ARHGAP8: variants seen among roughly 807,000 people sequenced by gnomAD.
The protein encoded by ARHGAP8 is rho GTPase-activating protein 8.
A neutral mutation model predicts 46.1 loss-of-function variants in ARHGAP8; 62 were observed. The observed-to-expected ratio is 1.34, with a 90% confidence interval of 1.10 to 1.66. The LOEUF (loss-of-function observed/expected upper bound fraction) is 1.66, where lower values mean the gene tolerates loss of function less well. Ranked by LOEUF, ARHGAP8 falls within the 40% of genes most tolerant of loss-of-function variation. ARHGAP8 has a pLI of 0.00. For synonymous variants in ARHGAP8, 375 were observed against 243.1 expected, an observed-to-expected ratio of 1.54 and a Z score of -5.05; for missense variants, 923 against 568.4, an observed-to-expected ratio of 1.62 and a Z score of -6.34.
chr22:44,851,393 A>G (rs2070089495), intron 10 of ARHGAP8, among the ~76,000 whole-genome samples: 1 of 151,018 alleles, frequency 6.6e-6, no homozygotes, highest in Non-Finnish European at 1.5e-5. Flanking sequence ...AGCCTTTTAA[A>G]TATTTATTTA....
chr22:44,841,836 T>G (rs561300188), intron 7 of ARHGAP8, among the ~76,000 whole-genome samples: 3 of 152,310 alleles, frequency 2.0e-5, no homozygotes, highest in Admixed American at 2.0e-4. Flanking sequence ...GCAGGGCACA[T>G]GGCCCAGCCC....
At chr22:44,823,689 G>C (rs1004737705) in intron 6 of ARHGAP8, among the ~76,000 whole-genome samples, 11 of 152,160 alleles carry the variant, frequency 7.2e-5, no homozygotes, top group African/African-American at 2.2e-4. Flanking sequence ...ATTTGTAGCA[G>C]CTCTGTGGTG....
chr22:44,797,813 A>AT (rs113478485), intron 2 of ARHGAP8, among the ~76,000 whole-genome samples: 3,542 of 151,312 alleles, frequency 0.023, 137 homozygotes, highest in African/African-American at 0.08. Flanking sequence ...CAAGTGTGTA[A>AT]TTTTTTTTTC....
At chr22:44,852,132 T>C (rs923648131) in intron 10 of ARHGAP8, among the ~76,000 whole-genome samples, 7 of 139,434 alleles carry the variant, frequency 5.0e-5, no homozygotes, top group Non-Finnish European at 1.1e-4. Flanking sequence ...GCAGAGGTTG[T>C]AGTGAGCCGA....
At chr22:44,821,259 G>A (rs987442140) in intron 5 of ARHGAP8, among the ~76,000 whole-genome samples, 31 of 151,960 alleles carry the variant, frequency 2.0e-4, no homozygotes, top group African/African-American at 2.9e-4. Context: ...TTGAAACCCC[G>A]TCTCTACTAA....
chr22:44,825,905 TGGG>T (rs1259835178), intron 7 of ARHGAP8, among the ~76,000 whole-genome samples: 1 of 84,632 alleles, frequency 1.2e-5, no homozygotes, highest in Non-Finnish European at 2.1e-5. Context: ...CGTGCCTCGT[TGGG>T]GGGGCGCGTG....
intron 1 of ARHGAP8, among the ~76,000 whole-genome samples, chr22:44,773,168 G>A (rs1011737476): frequency 5.3e-5 from 8 of 152,106 alleles, no homozygotes; most frequent in African/African-American, 1.7e-4. Flanking sequence ...GGGCTATTCA[G>A]GTTATCAGTT....
rs1269766083 is a variant in ARHGAP8 at position 44,796,875 on chromosome 22, C to T, written c.80-5202C>T. On this transcript the variant is annotated intron_variant, in intron 2 of 11. Coordinates refer to ENST00000356099, the MANE Select transcript of ARHGAP8 (RefSeq NM_181335.3). Reference sequence around the variant, plus strand: ...TAGGAACCCCTAGATTTGTAGGCAGCTTGTCAGATGCGTGGGTGGCCTTCT... The same window carrying T: ...TAGGAACCCCTAGATTTGTAGGCAGTTTGTCAGATGCGTGGGTGGCCTTCT... Among the ~76,000 whole-genome samples the T allele has an allele frequency of 3.9e-5, 6 of 152,318 alleles. No homozygotes were observed. In the East Asian group the frequency reaches 1.2e-3, roughly 29 times the overall value.
At chr22:44,795,806 G>C (rs1928042527) in intron 2 of ARHGAP8, among the ~76,000 whole-genome samples, 1 of 152,018 alleles carries the variant, frequency 6.6e-6, no homozygotes, top group Non-Finnish European at 1.5e-5. Flanking sequence ...CACCTCCCGG[G>C]ACCCACCCAG....
chr22:44,756,211 G>A (rs985299693), intron 1 of ARHGAP8, among the ~76,000 whole-genome samples: 2 of 152,204 alleles, frequency 1.3e-5, no homozygotes, highest in Middle Eastern at 3.4e-3. Flanking sequence ...CTCCTGGGTA[G>A]CTCCCCGCTC....
intron 2 of ARHGAP8, among the ~76,000 whole-genome samples, chr22:44,791,418 G>T (rs1602180716): frequency 6.6e-6 from 1 of 152,116 alleles, no homozygotes; most frequent in Non-Finnish European, 1.5e-5. Context: ...TTAAAACCCA[G>T]CTTCGCCGGG....
At chr22:44,824,912 C>T (rs1453029947) in intron 6 of ARHGAP8, among the ~76,000 whole-genome samples, 2 of 151,940 alleles carry the variant, frequency 1.3e-5, no homozygotes, top group Admixed American at 1.3e-4. Flanking sequence ...GGATTACAGG[C>T]GTGAGCCACC....
chr22:44,848,094 C>G (rs372507909), intron 9 of ARHGAP8, 44 bp downstream of exon 9: 4 of 1,598,618 alleles, frequency 2.5e-6, no homozygotes, highest in Admixed American at 1.7e-5. Context: ...GCCTGGTCAG[C>G]GAGCACAGCG....
chr22:44,769,156 GT>G (rs1405466474), intron 1 of ARHGAP8, among the ~76,000 whole-genome samples: 1 of 152,154 alleles, frequency 6.6e-6, no homozygotes, highest in Admixed American at 6.5e-5. Context: ...TCTGGGCTGT[GT>G]TTTTCCCTTT....
chr22:44,839,631 T>C (rs1931522089), intron 7 of ARHGAP8, among the ~76,000 whole-genome samples: 1 of 152,130 alleles, frequency 6.6e-6, no homozygotes, highest in South Asian at 2.1e-4. Flanking sequence ...TCACCTGGCC[T>C]CTCCTAGTGT....
intron 6 of ARHGAP8, among the ~76,000 whole-genome samples, chr22:44,824,029 C>G (rs1930335296): frequency 6.6e-6 from 1 of 152,182 alleles, no homozygotes; most frequent in Admixed American, 6.5e-5. Flanking sequence ...TTTAAATGAG[C>G]AGCTTCTAGA....
At chr22:44,801,912 C>T (rs545777816) in intron 2 of ARHGAP8, 165 bp from the exon 3 acceptor site, 7 of 673,986 alleles carry the variant, frequency 1.0e-5, no homozygotes, top group South Asian at 5.5e-5. Flanking sequence ...GTGCATAAAG[C>T]CACAGGTGAT....
At chr22:44,848,429 C>G (rs986006114) in intron 9 of ARHGAP8, among the ~76,000 whole-genome samples, 1 of 152,260 alleles carries the variant, frequency 6.6e-6, no homozygotes, top group Non-Finnish European at 1.5e-5. Context: ...GTGTAACCCG[C>G]AGGCAGGGGC....
intron 1 of ARHGAP8, among the ~76,000 whole-genome samples, chr22:44,772,992 T>C (rs1390924031): frequency 1.3e-5 from 2 of 152,010 alleles, no homozygotes; most frequent in African/African-American, 4.8e-5. Flanking sequence ...CTAATCTTTA[T>C]TTTTTGTAGA....
Sources: allele counts gnomAD v4.1 joint callset (sites outside exome capture counted in the v4.1 genomes callset), GRCh38; gene constraint gnomAD v4.1.1; transcripts MANE v1.5; gene names NCBI Gene and HGNC (gene_info 2026-07-23, HGNC 2026-07-21).